SLC2A9: variants seen among roughly 807,000 people sequenced by gnomAD.
SLC2A9 encodes solute carrier family 2 member 9, also known as solute carrier family 2, facilitated glucose transporter member 9.
In SLC2A9, 39 loss-of-function variants were observed where a neutral mutation model predicts 50.6. The ratio of observed to expected loss-of-function variants is 0.77; its 90% CI spans 0.60 to 1.01. SLC2A9 has a LOEUF of 1.01. SLC2A9 is among the 50% of genes least tolerant of loss of function. The pLI is 0.00. For missense variants in SLC2A9, 686 were observed against 677.6 expected (o/e 1.01, Z -0.14); for synonymous variants, 324 against 276.9 (o/e 1.17, Z -1.69).
intron 6 of SLC2A9, among the ~76,000 whole-genome samples, chr4:9,929,786 G>GT (rs780543060): frequency 1.6e-4 from 16 of 100,014 alleles, no homozygotes; most frequent in Non-Finnish European, 3.6e-4. Context: ...GCCAGCTGGG[G>GT]CTGCTATAAC....
At chr4:9,932,829 T>C (rs1001864373) in intron 6 of SLC2A9, among the ~76,000 whole-genome samples, 1 of 152,174 alleles carries the variant, frequency 6.6e-6, no homozygotes. Flanking sequence ...ATAAATGATA[T>C]CTCCTTACTC....
At chr4:10,026,512 C>T (rs765239603) in intron 1 of SLC2A9, among the ~76,000 whole-genome samples, 4 of 152,154 alleles carry the variant, frequency 2.6e-5, no homozygotes, top group Non-Finnish European at 5.9e-5. Context: ...ACCACCACAT[C>T]GATGCCCAAG....
At position 9,977,088 on chromosome 4, in the gene SLC2A9, A is replaced by G. The variant is rs116290420; in HGVS notation, c.681+3504T>C. ...ACCCAACTCATAACTGGACCAGTCA[A>G]CCCCTTCAGTCCTGGCTGGGATCCA... is the stretch of plus-strand genomic sequence containing the variant. On this transcript the variant is annotated intron_variant, in intron 5 of 11. Coordinates refer to ENST00000264784, the MANE Select transcript of SLC2A9 (RefSeq NM_020041.3). Among the ~76,000 whole-genome samples the G allele has an allele frequency of 9.4e-3, 1,435 of 152,106 alleles. 27 individuals are homozygous for G. The highest frequency in any genetic ancestry group is 0.033 in the African/African-American group (1,385 of 41,494).
intron 1 of SLC2A9, among the ~76,000 whole-genome samples, chr4:10,032,232 A>G (rs920304400): frequency 6.6e-6 from 1 of 152,212 alleles, no homozygotes; most frequent in Admixed American, 6.5e-5. Context: ...AGGCAATATC[A>G]GGAAATTCTG....
At chr4:9,832,444 C>T (rs1248683271) in intron 11 of SLC2A9, among the ~76,000 whole-genome samples, 1 of 152,188 alleles carries the variant, frequency 6.6e-6, no homozygotes, top group Non-Finnish European at 1.5e-5. Flanking sequence ...TATCTACCTG[C>T]CCAGTGTCTC....
intron 10 of SLC2A9, among the ~76,000 whole-genome samples, chr4:9,837,174 A>T (rs76139601): frequency 0.028 from 4,279 of 152,326 alleles, 75 homozygotes; most frequent in Middle Eastern, 0.041. Context: ...TAGATACTCC[A>T]TCAATATTTA....
intron 2 of SLC2A9, among the ~76,000 whole-genome samples, chr4:10,011,988 C>T (rs1761839247): frequency 6.6e-6 from 1 of 152,212 alleles, no homozygotes; most frequent in Non-Finnish European, 1.5e-5. Context: ...CAAGGGAAAC[C>T]CTAGACCACC....
At chr4:9,820,650 C>T (rs1419470780) in intron 3 of SLC2A9, among the ~76,000 whole-genome samples, 3 of 152,086 alleles carry the variant, frequency 2.0e-5, no homozygotes, top group East Asian at 1.9e-4. Context: ...AACTAAAGAA[C>T]GTAAATATGT....
upstream of SLC2A9, chr4:10,025,968 G>A: frequency 6.2e-7 from 1 of 1,614,066 alleles, no homozygotes; most frequent in African/African-American, 1.3e-5. Context: ...GAGCTTCATG[G>A]TTCACTTTTC....
At chr4:9,790,781 T>G (rs1719818130) in intron 3 of SLC2A9, among the ~76,000 whole-genome samples, 1 of 152,182 alleles carries the variant, frequency 6.6e-6, no homozygotes, top group South Asian at 2.1e-4. Context: ...TTAAAAAAAT[T>G]GGATGTGTTA....
At chr4:9,861,361 G>A (rs1433063031) in intron 10 of SLC2A9, among the ~76,000 whole-genome samples, 1 of 151,976 alleles carries the variant, frequency 6.6e-6, no homozygotes, top group Non-Finnish European at 1.5e-5. Context: ...ACTATCACAA[G>A]GACAGTACAG....
Position 9,955,750 on chromosome 4 carries a change from G to A in SLC2A9, c.682-13705C>T, listed in dbSNP as rs1039702221. On this transcript the variant is annotated intron_variant, in intron 5 of 11. Coordinates refer to ENST00000264784, the MANE Select transcript of SLC2A9 (RefSeq NM_020041.3). Reference sequence around the variant, plus strand: ...CAGACCTGTATGGATTTGCTGCCGCGGACACCTCTGTCTCTCAAAGATTCC... The same window carrying A: ...CAGACCTGTATGGATTTGCTGCCGCAGACACCTCTGTCTCTCAAAGATTCC... 2.0e-5 allele frequency among the ~76,000 whole-genome samples: 3 copies of A among 151,850 alleles called. No individual in the cohort carries two copies. The East Asian group carries it at 5.8e-4, about 29-fold the overall frequency.
At chr4:9,788,163 A>C (rs1719462692) in intron 3 of SLC2A9, among the ~76,000 whole-genome samples, 1 of 152,060 alleles carries the variant, frequency 6.6e-6, no homozygotes, top group African/African-American at 2.4e-5. Context: ...ATTTATTTAC[A>C]TCAGCATAGA....
intron 3 of SLC2A9, among the ~76,000 whole-genome samples, chr4:9,802,037 T>C (rs1444563634): frequency 1.3e-5 from 2 of 152,210 alleles, no homozygotes; most frequent in African/African-American, 4.8e-5. Flanking sequence ...CCACTTGAGA[T>C]GCTCCCTGGA....
downstream of SLC2A9, among the ~76,000 whole-genome samples, chr4:9,798,017 GGATA>G (rs1720803271): frequency 6.6e-6 from 1 of 152,234 alleles, no homozygotes; most frequent in Non-Finnish European, 1.5e-5. Context: ...AACGATGGAT[GGATA>G]GAGGCTGCTG....
intron 10 of SLC2A9, among the ~76,000 whole-genome samples, chr4:9,844,456 T>C (rs1404402964): frequency 3.3e-5 from 5 of 152,272 alleles, no homozygotes; most frequent in Admixed American, 6.5e-5. Context: ...AGTAATGCCA[T>C]TATTTTTCCT....
intron 10 of SLC2A9, among the ~76,000 whole-genome samples, chr4:9,872,192 G>A (rs1733551204): frequency 6.6e-6 from 1 of 152,156 alleles, no homozygotes; most frequent in Admixed American, 6.5e-5. Flanking sequence ...GAGGGACAGG[G>A]ACTTGTCCAA....
At chr4:9,787,965 T>C (rs1336350310) in intron 3 of SLC2A9, among the ~76,000 whole-genome samples, 1 of 152,236 alleles carries the variant, frequency 6.6e-6, no homozygotes, top group Non-Finnish European at 1.5e-5. Context: ...TTTGGAGAAA[T>C]ACTTTGAGAC....
intron 10 of SLC2A9, among the ~76,000 whole-genome samples, chr4:9,869,688 T>G (rs565403483): frequency 6.6e-6 from 1 of 152,374 alleles, no homozygotes; most frequent in East Asian, 1.9e-4. Context: ...TGCTCATCTC[T>G]GTAGCTTAGA....
Sources: allele counts gnomAD v4.1 joint callset (sites outside exome capture counted in the v4.1 genomes callset), GRCh38; gene constraint gnomAD v4.1.1; transcripts MANE v1.5; gene names NCBI Gene and HGNC (gene_info 2026-07-23, HGNC 2026-07-21).